SEMA4A: variants seen among roughly 807,000 people sequenced by gnomAD.
SEMA4A encodes the protein semaphorin 4A, also known as semaphorin-4A.
In SEMA4A, 52 loss-of-function variants were observed where a neutral mutation model predicts 72.5. The observed-to-expected ratio is 0.72, with a 90% CI of 0.57 to 0.90. The LOEUF (loss-of-function observed/expected upper bound fraction) is 0.90. Ranked by LOEUF, SEMA4A falls within the 40% of genes least tolerant of loss-of-function variation. The pLI is 0.00. For missense variants in SEMA4A, 926 were observed against 959.7 expected, an observed-to-expected ratio of 0.96 and a Z score of 0.46; for synonymous variants, 369 against 393.1, an observed-to-expected ratio of 0.94 and a Z score of 0.73.
At chr1:156,162,885 G>C in intron 9 of SEMA4A, 59 bp from the exon 10 acceptor site, 1 of 1,607,436 alleles carries the variant, frequency 6.2e-7, no homozygotes, top group South Asian at 1.1e-5. Flanking sequence ...GCCAGCGCTG[G>C]AGAGAGAGCT....
At chr1:156,164,168 A>G (rs1217371921) in intron 10 of SEMA4A, among the ~76,000 whole-genome samples, 1 of 152,228 alleles carries the variant, frequency 6.6e-6, no homozygotes, top group Non-Finnish European at 1.5e-5. Context: ...AAATAGATCT[A>G]AAATGAAATA....
upstream of SEMA4A, among the ~76,000 whole-genome samples, chr1:156,149,494 G>C (rs1652367424): frequency 6.6e-6 from 1 of 152,212 alleles, no homozygotes; most frequent in African/African-American, 2.4e-5. Flanking sequence ...CAGAAGTCAG[G>C]ATACTGTAAA....
chr1:156,161,642 G>A (rs1653676969), intron 9 of SEMA4A, 124 bp downstream of exon 9: 2 of 975,858 alleles, frequency 2.0e-6, no homozygotes, highest in South Asian at 1.5e-5. Context: ...ACATAGGAAG[G>A]CATTAAATCG....
In SEMA4A at chr1:156,161,362, A is replaced by G. The variant is rs1170716231; in HGVS notation, c.827A>G (p.Glu276Gly). The G allele has an allele frequency of 7.3e-7, 1 of 1,371,218 alleles. No individual in the cohort carries two copies. Among genetic ancestry groups the G allele is most frequent in the African/African-American group, 1.5e-5 (1 of 66,356 alleles). 84.9% of individuals were successfully genotyped at this position (1,371,218 alleles called of 1,614,324 possible). ...TGCCCCCAGAATGACGTGGGCGGCG[A>G]AAAGCTGCTGCAGAAGAAGTGGACC... ...ARVCKNDVGG[E>G]KLLQKKWTTF... The change falls in exon 9 of 15, where the codon GAA (glutamate) becomes GGA (glycine). Residue 276 changes from glutamate to glycine, a missense_variant. Coordinates refer to ENST00000368285, the MANE Select transcript of SEMA4A (RefSeq NM_022367.4).
At chr1:156,171,662 C>T (rs755048858) in intron 10 of SEMA4A, among the ~76,000 whole-genome samples, 18 of 151,824 alleles carry the variant, frequency 1.2e-4, no homozygotes, top group Non-Finnish European at 2.4e-4. Context: ...CTGCAACCTC[C>T]GCCTCCCATG....
intron 10 of SEMA4A, among the ~76,000 whole-genome samples, chr1:156,163,474 C>T (rs2102969019): frequency 6.6e-6 from 1 of 152,174 alleles, no homozygotes; most frequent in South Asian, 2.1e-4. Context: ...GTAATCCCAA[C>T]ACTTGGGGAG....
chr1:156,175,392 GT>G (rs1655217868), intron 13 of SEMA4A, 149 bp downstream of exon 13: 3 of 1,196,658 alleles, frequency 2.5e-6, no homozygotes, highest in Non-Finnish European at 3.7e-6. Flanking sequence ...CAGGGATGGA[GT>G]TTCCAGGCAG....
In SEMA4A at chr1:156,162,946, A is replaced by G. The variant is rs1653798826; in HGVS notation, c.986A>G (p.Gln329Arg). 1 of 1,613,664 alleles carries G rather than the reference A, an allele frequency of 6.2e-7. No individual in the cohort carries two copies. Among genetic ancestry groups the G allele is most frequent in the South Asian group, 1.1e-5 (1 of 91,060 alleles). The change falls in exon 10 of 15, where the codon CAG becomes CGG. Residue 329 changes from glutamine to arginine, a missense_variant and splice_region_variant. Gln to Arg is a conservative substitution (Grantham distance 43). Coordinates refer to ENST00000368285, the MANE Select transcript of SEMA4A (RefSeq NM_022367.4). ...ATGTTCCCTCTGGCTGTCTCCAGGC[A>G]GGTTGGCGGGACCAGGAGCTCTGCG... ...HIYAVFTSQW[Q>R]VGGTRSSAVC...
At chr1:156,159,031 CAAAAAA>C in intron 6 of SEMA4A, 3 of 286,312 alleles carry the variant, frequency 1.0e-5, no homozygotes, top group Admixed American at 5.3e-5. Flanking sequence ...GAGATCGTCT[CAAAAAA>C]AAAAAAAAAA....
At chr1:156,159,841 G>A (rs1653410055) in intron 6 of SEMA4A, among the ~76,000 whole-genome samples, 1 of 150,866 alleles carries the variant, frequency 6.6e-6, no homozygotes, top group African/African-American at 2.4e-5. Flanking sequence ...TGGGAGGATC[G>A]CTTGAGATGG....
chr1:156,152,027 G>C (rs1311466678), upstream of SEMA4A, among the ~76,000 whole-genome samples: 8 of 152,124 alleles, frequency 5.3e-5, no homozygotes, highest in East Asian at 1.5e-3. Context: ...TGGGGCAGGA[G>C]GGAGGACTGA....
In SEMA4A at chr1:156,175,096, T is replaced by C; in HGVS notation, c.1445T>C (p.Phe482Ser). The C allele has an allele frequency of 6.2e-7, 1 of 1,614,154 alleles. No individual in the cohort carries two copies. Among genetic ancestry groups the C allele is most frequent in the African/African-American group, 1.3e-5 (1 of 75,026 alleles). Residue 482 changes from phenylalanine (F) to serine (S), a missense_variant, in exon 13 of 15, where the codon TTT becomes TCT. By Grantham distance (155) the Phe-to-Ser change is radical (BLOSUM62 -2). Transcript: ENST00000368285. ...CCATCTCTCTTCCAGGGTGCAGTGT[T>C]TGTAGGCTTCTCAGGAGGTGTCTGG... is the stretch of plus-strand genomic sequence containing the variant. ...LQLAPTQGAV[F>S]VGFSGGVWRV...
At position 156,173,005 on chromosome 1, in the gene SEMA4A, C is replaced by A. The variant is rs576234607; in HGVS notation, c.1314C>A (p.Thr438=). Residue 438 remains threonine, a splice_region_variant and synonymous_variant, in exon 11 of 15, where the codon ACC becomes ACA. Coordinates refer to ENST00000368285, the MANE Select transcript of SEMA4A (RefSeq NM_022367.4). ...GCCATCTTGTCATGTACCTGGGAACCAGTGAGTAAAGAGTTCCGGGACATC... is the reference window on the plus strand; with the variant it reads ...GCCATCTTGTCATGTACCTGGGAACAAGTGAGTAAAGAGTTCCGGGACATC... The part of the protein sequence containing the change: ...GHSHLVMYLG[T]TTGSLHKAVV... 2 of 1,613,852 alleles carry A rather than the reference C, an allele frequency of 1.2e-6. No homozygotes were observed. The highest frequency in any genetic ancestry group is 1.7e-6 in the Non-Finnish European group (2 of 1,179,804).
chr1:156,176,480 A>G lies in SEMA4A; in HGVS notation c.1769A>G (p.Tyr590Cys), dbSNP rs766568386. 1.2e-6 allele frequency: 2 copies of G among 1,613,936 alleles called. No homozygotes were observed. Among genetic ancestry groups the G allele is most frequent in the Non-Finnish European group, 8.5e-7 (1 of 1,179,968 alleles). Residue 590 changes from tyrosine to cysteine, a missense_variant, in exon 15 of 15, where the codon TAT (tyrosine) becomes TGT (cysteine). Coordinates refer to ENST00000368285, the MANE Select transcript of SEMA4A (RefSeq NM_022367.4). ...CACCTGTCAGCCTTGGCCTCTTATT[A>G]TTGGAGTCATGGCCCAGCAGCAGTC... The part of the protein sequence containing the change: ...CPHLSALASY[Y>C]WSHGPAAVPE...
rs1653053063 is a variant in SEMA4A, at chr1:156,156,562, G to A, written c.288G>A (p.Arg96=). The change falls in exon 3 of 15, where the codon AGG becomes AGA. Residue 96 remains arginine (R), a synonymous_variant. Transcript: ENST00000368285. ...ATATCCAGGATCCAGGGGTCCCCAGGCTAAAGAACATGGTGAGGAGTCCAG... is the reference window on the plus strand; with the variant it reads ...ATATCCAGGATCCAGGGGTCCCCAGACTAAAGAACATGGTGAGGAGTCCAG... ...ALDIQDPGVP[R]LKNMIPWPAS... 6.8e-6 allele frequency: 11 copies of A among 1,613,960 alleles called. No individual in the cohort carries two copies. Among genetic ancestry groups the A allele is most frequent in the Non-Finnish European group, 8.5e-6 (10 of 1,179,956 alleles).
chr1:156,157,953 C>T lies in SEMA4A; in HGVS notation c.301-117C>T. The T allele has an allele frequency of 1.0e-6, 1 of 991,820 alleles. No homozygotes were observed. The highest frequency in any genetic ancestry group is 2.0e-5 in the Admixed American group (1 of 51,086). 61.4% of individuals were successfully genotyped at this position (991,820 alleles called of 1,614,324 possible). A position where few individuals can be genotyped will look rare whatever the true frequency, so the allele number is the denominator to read the frequency against. ...ATGTTATTACTGCCCATCAGCATGT[C>T]ACTAACCACCATGTCTGCTGGTTAT... On this transcript the variant is annotated intron_variant, in intron 3 of 14. Coordinates refer to ENST00000368285, the MANE Select transcript of SEMA4A (RefSeq NM_022367.4). This position sits in a 1 kb window ranked among gnomAD's most constrained non-coding sequence, Gnocchi z 4.5.
At chr1:156,160,724 A>T (rs1558150375) in intron 7 of SEMA4A, among the ~76,000 whole-genome samples, 165 bp downstream of exon 7, 1 of 152,142 alleles carries the variant, frequency 6.6e-6, no homozygotes, top group African/African-American at 2.4e-5. Context: ...CTTTCGTCTT[A>T]TGTAAACACA....
intron 9 of SEMA4A, among the ~76,000 whole-genome samples, chr1:156,162,154 G>A (rs538650020): frequency 5.9e-5 from 9 of 152,346 alleles, no homozygotes; most frequent in African/African-American, 2.2e-4. Flanking sequence ...CCAGCTACTC[G>A]TGAGCCTGGG....
At chr1:156,160,678 G>A in intron 7 of SEMA4A, 119 bp downstream of exon 7, 2 of 1,057,438 alleles carry the variant, frequency 1.9e-6, no homozygotes, top group East Asian at 2.5e-5. Flanking sequence ...GGGGGTATAT[G>A]GCAGGGAAGA....
Sources: allele counts gnomAD v4.1 joint callset (sites outside exome capture counted in the v4.1 genomes callset), GRCh38; gene constraint gnomAD v4.1.1; non-coding constraint Gnocchi (gnomAD v3.1); transcripts MANE v1.5; gene names NCBI Gene and HGNC (gene_info 2026-07-23, HGNC 2026-07-21).